Variants in NCKAP5 observed in about 807,000 individuals in gnomAD.
NCKAP5 encodes the protein nck-associated protein 5.
In NCKAP5, 92 loss-of-function variants were observed where a neutral mutation model predicts 167.0. That is an observed-to-expected ratio of 0.55 (90% confidence interval 0.47 to 0.66). The LOEUF (loss-of-function observed/expected upper bound fraction) is 0.66, where lower values mean the gene tolerates loss of function less well. Among genes scored for constraint, NCKAP5 ranks in the 30% least tolerant of loss-of-function variants. The probability of loss-of-function intolerance (pLI) is 0.00; values close to 1 mark genes in which losing one functional copy is unlikely to be tolerated. For missense variants in NCKAP5, 2,378 were observed against 2,315.0 expected (o/e 1.03, Z -0.56); for synonymous variants, 891 against 877.4 (o/e 1.02, Z -0.27).
the NCKAP5 span, among the ~76,000 whole-genome samples, chr2:133,655,720 C>T: frequency 6.6e-6 from 1 of 152,142 alleles, no homozygotes; most frequent in Non-Finnish European, 1.5e-5. Context: ...GAGAATTGCA[C>T]CACCAAAATT....
chr2:132,762,378 T>C (rs1558735384), intron 16 of NCKAP5, among the ~76,000 whole-genome samples: 1 of 152,220 alleles, frequency 6.6e-6, no homozygotes, highest in Non-Finnish European at 1.5e-5. Context: ...CTCCTTACTA[T>C]GCCATAAGTT....
chr2:132,886,438 C>T (rs1052951152), intron 8 of NCKAP5, among the ~76,000 whole-genome samples: 2 of 152,192 alleles, frequency 1.3e-5, no homozygotes, highest in Non-Finnish European at 2.9e-5. Flanking sequence ...AGGAAATTAA[C>T]ATTGATGCAA....
chr2:133,354,249 G>A (rs1214811632), intron 3 of NCKAP5, among the ~76,000 whole-genome samples: 1 of 134,418 alleles, frequency 7.4e-6, no homozygotes, highest in Non-Finnish European at 1.6e-5. Flanking sequence ...TGGTAGATTA[G>A]TTCTCTTTTT....
intron 2 of NCKAP5, among the ~76,000 whole-genome samples, chr2:133,526,228 AAAGGAAAGGAGGGAGGGAAGGAG>A (rs1684886880): frequency 1.7e-4 from 9 of 53,372 alleles, no homozygotes; most frequent in East Asian, 6.8e-4. Context: ...AGGAAGGAAG[AAAGGAAAGGAGGGAGGGAAGGAG>A]GGAGGGAGGG....
chr2:132,672,860 G>A lies in NCKAP5; in HGVS notation c.*429C>T. On this transcript the variant is annotated 3_prime_UTR_variant, in exon 20 of 20. Coordinates refer to ENST00000409261, the MANE Select transcript of NCKAP5 (RefSeq NM_207363.3). The stretch of plus-strand genomic sequence containing the variant: ...AAATGGAGTCTATCTTTATTGCCCT[G>A]TCAGAGAAATAAGCTCTGGTGGGTT... 1.8e-6 allele frequency: 1 copy of A among 561,184 alleles called. No individual in the cohort carries two copies. Among genetic ancestry groups the A allele is most frequent in the Non-Finnish European group, 2.3e-6 (1 of 441,684 alleles). 34.8% of individuals were successfully genotyped at this position (561,184 alleles called of 1,614,324 possible).
intron 16 of NCKAP5, among the ~76,000 whole-genome samples, chr2:132,745,602 C>A (rs1455622609): frequency 2.6e-5 from 4 of 151,672 alleles, no homozygotes; most frequent in Non-Finnish European, 5.9e-5. Flanking sequence ...ATAGCCAGTG[C>A]AACAAGGTAA....
At chr2:132,827,326 T>A (rs1558828165) in intron 11 of NCKAP5, among the ~76,000 whole-genome samples, 1 of 152,192 alleles carries the variant, frequency 6.6e-6, no homozygotes, top group Non-Finnish European at 1.5e-5. Flanking sequence ...TTAAGCATCT[T>A]TTTATGTGTT....
intron 5 of NCKAP5, among the ~76,000 whole-genome samples, chr2:133,161,199 A>G (rs2083781259): frequency 6.6e-6 from 1 of 152,076 alleles, no homozygotes; most frequent in African/African-American, 2.4e-5. Context: ...CCATCTCTCC[A>G]ACTTCCACCC....
chr2:132,705,374 C>G (rs1688264696), intron 19 of NCKAP5, among the ~76,000 whole-genome samples: 1 of 152,110 alleles, frequency 6.6e-6, no homozygotes, highest in Non-Finnish European at 1.5e-5. Context: ...TTTTTACCCT[C>G]CCTTGATCCC....
At chr2:132,832,619 A>G (rs1181950658) in intron 11 of NCKAP5, among the ~76,000 whole-genome samples, 1 of 152,120 alleles carries the variant, frequency 6.6e-6, no homozygotes, top group Non-Finnish European at 1.5e-5. Context: ...ACAATGTGTG[A>G]TTTGACTTTC....
At chr2:132,778,263 A>T (rs1682720899) in intron 15 of NCKAP5, among the ~76,000 whole-genome samples, 1 of 152,106 alleles carries the variant, frequency 6.6e-6, no homozygotes, top group South Asian at 2.1e-4. Flanking sequence ...TGGTCTATAA[A>T]CAATGGCAGA....
At chr2:132,808,266 G>A (rs1685586335) in intron 11 of NCKAP5, among the ~76,000 whole-genome samples, 1 of 152,070 alleles carries the variant, frequency 6.6e-6, no homozygotes, top group African/African-American at 2.4e-5. Flanking sequence ...GGTGATGCTG[G>A]CTTCATATAA....
At chr2:133,146,411 T>A (rs12991216) in intron 5 of NCKAP5, among the ~76,000 whole-genome samples, 54,347 of 151,922 alleles carry the variant, frequency 0.36, 9,712 homozygotes, top group East Asian at 0.39. Flanking sequence ...CCATTCTAGA[T>A]CAATTTTAAA....
chr2:133,099,757 T>A (rs944150830), intron 6 of NCKAP5, among the ~76,000 whole-genome samples: 13 of 152,356 alleles, frequency 8.5e-5, no homozygotes, highest in East Asian at 1.9e-4. Context: ...TAACCATCCC[T>A]TTTTATTGTT....
Position 132,783,134 on chromosome 2 carries a change from T to C in NCKAP5, c.3677A>G (p.Glu1226Gly). Reference protein sequence around the residue: ...QGSLADGLPLETALQEPLESS... With the variant: ...QGSLADGLPLGTALQEPLESS... ...TTCCAATGGCTCTTGTAGTGCTGTTTCCAGGGGAAGCCCATCAGCTAAACT... is the reference window on the plus strand; with the variant it reads ...TTCCAATGGCTCTTGTAGTGCTGTTCCCAGGGGAAGCCCATCAGCTAAACT... Residue 1226 changes from glutamate (E) to glycine (G), a missense_variant, in exon 14 of 20, where the codon GAA becomes GGA. By Grantham distance (98) the Glu-to-Gly change is moderately conservative. Transcript: ENST00000409261. The C allele has an allele frequency of 6.2e-7, 1 of 1,613,642 alleles. No homozygotes were observed. Among genetic ancestry groups the C allele is most frequent in the African/African-American group, 1.3e-5 (1 of 75,040 alleles).
At chr2:133,393,378 T>G (rs189243207) in intron 3 of NCKAP5, among the ~76,000 whole-genome samples, 2 of 152,312 alleles carry the variant, frequency 1.3e-5, no homozygotes, top group East Asian at 3.9e-4. Context: ...ATATGCACAT[T>G]ATTTCACATT....
chr2:133,167,770 C>G (rs2084060826), intron 5 of NCKAP5, among the ~76,000 whole-genome samples: 1 of 152,158 alleles, frequency 6.6e-6, no homozygotes, highest in African/African-American at 2.4e-5. Flanking sequence ...GTCATTTGAT[C>G]ACATGATCTC....
At chr2:133,521,130 T>C (rs773936918) in intron 2 of NCKAP5, among the ~76,000 whole-genome samples, 15 of 152,166 alleles carry the variant, frequency 9.9e-5, no homozygotes, top group Non-Finnish European at 1.8e-4. Context: ...AACATTCCAT[T>C]GATCGCACTA....
At chr2:133,538,921 G>GT (rs368506375) in intron 2 of NCKAP5, among the ~76,000 whole-genome samples, 4 of 131,216 alleles carry the variant, frequency 3.0e-5, no homozygotes, top group South Asian at 2.4e-4. Flanking sequence ...TTTTTTTGTG[G>GT]TTTTTTTGGG....
Sources: allele counts gnomAD v4.1 joint callset (sites outside exome capture counted in the v4.1 genomes callset), GRCh38; gene constraint gnomAD v4.1.1; transcripts MANE v1.5; gene names NCBI Gene and HGNC (gene_info 2026-07-23, HGNC 2026-07-21).